Variants in DNAH1 observed in about 807,000 individuals in gnomAD.
The protein encoded by DNAH1 is dynein axonemal heavy chain 1.
Under a neutral mutation model 484.3 loss-of-function variants are expected in DNAH1, and 327 were observed. The ratio of observed to expected loss-of-function variants is 0.68; its 90% CI spans 0.62 to 0.74. The LOEUF (loss-of-function observed/expected upper bound fraction) is 0.74, where lower values mean the gene tolerates loss of function less well. Ranked by LOEUF, DNAH1 falls within the 30% of genes least tolerant of loss-of-function variation. DNAH1 has a pLI of 0.00. For synonymous variants in DNAH1, 2,192 were observed against 2,191.9 expected (o/e 1.00, Z 0.00); for missense variants, 5,052 against 5,546.8 (o/e 0.91, Z 2.83).
chr3:52,391,872 C>T (rs1704406295), intron 63 of DNAH1, among the ~76,000 whole-genome samples: 1 of 152,238 alleles, frequency 6.6e-6, no homozygotes, highest in African/African-American at 2.4e-5. Context: ...ACCAGCCTCA[C>T]CTCCTCCAGG....
intron 56 of DNAH1, among the ~76,000 whole-genome samples, 184 bp downstream of exon 56, chr3:52,387,037 G>T (rs964392089): frequency 6.6e-6 from 1 of 152,226 alleles, no homozygotes; most frequent in African/African-American, 2.4e-5. Context: ...CACACAGATG[G>T]CTGGAACCAG....
rs367808366 is a variant in DNAH1, at chr3:52,368,796, A to C, written c.5821A>C (p.Asn1941His). ...IRAGAITSDTNKKWYMFDGPV... is the reference protein window; with the variant it reads ...IRAGAITSDTHKKWYMFDGPV... The stretch of plus-strand genomic sequence containing the variant: ...GGCGGGGGCCATCACCTCCGACACC[A>C]ACAAGAAGTGGTACATGTTCGATGG... The change falls in exon 37 of 78, where the codon AAC becomes CAC. Residue 1941 changes from asparagine to histidine, a missense_variant. Asn to His is a moderately conservative substitution (Grantham distance 68). Transcript: ENST00000420323. This position sits in a 1 kb window ranked among gnomAD's most constrained non-coding sequence, Gnocchi z 4.4. The C allele has an allele frequency of 6.2e-7, 1 of 1,613,884 alleles. No individual in the cohort carries two copies. The highest frequency in any genetic ancestry group is 1.3e-5 in the African/African-American group (1 of 74,932).
chr3:52,344,249 A>C (rs1415448447), intron 8 of DNAH1, among the ~76,000 whole-genome samples: 1 of 152,142 alleles, frequency 6.6e-6, no homozygotes, highest in African/African-American at 2.4e-5. Context: ...GAGACTGGCA[A>C]CAGAAAATGG....
rs1476715309 is a variant in DNAH1 at position 52,349,194 on chromosome 3, G to T, written c.2301-1G>T. 6.2e-7 allele frequency: 1 copy of T among 1,613,264 alleles called. No homozygotes were observed. Among genetic ancestry groups the T allele is most frequent in the East Asian group, 2.2e-5 (1 of 44,828 alleles). ...CCCTCCCGTGTGCTTGCTGTCCTCA[G>T]AACCTACCAGACGCAGGGCCTGTTG... On this transcript the variant is annotated splice_acceptor_variant, in intron 13 of 77. Coordinates refer to ENST00000420323, the MANE Select transcript of DNAH1 (RefSeq NM_015512.5). LOFTEE classifies it high-confidence loss of function.
chr3:52,324,888 C>T (rs1448637984), intron 3 of DNAH1, among the ~76,000 whole-genome samples: 1 of 152,116 alleles, frequency 6.6e-6, no homozygotes, highest in Non-Finnish European at 1.5e-5. Flanking sequence ...AATCAGGGCT[C>T]TCAGCAACCA....
rs1488311753 is a variant in DNAH1 at position 52,386,280 on chromosome 3, G to A, written c.8746G>A (p.Ala2916Thr). ...CGATGCCCAGAAGGACCTGGACGAG[G>A]CGTTGCCAGCCCTGGATGCGGCTCT... Reference protein sequence around the residue: ...ADDAQKDLDEALPALDAALAS... With the variant: ...ADDAQKDLDETLPALDAALAS... Residue 2916 changes from alanine to threonine, a missense_variant, in exon 55 of 78, where the codon GCG becomes ACG. By Grantham distance (58) the Ala-to-Thr change is moderately conservative. Coordinates refer to ENST00000420323, the MANE Select transcript of DNAH1 (RefSeq NM_015512.5). 6.2e-7 allele frequency: 1 copy of A among 1,609,084 alleles called. No homozygotes were observed. Among genetic ancestry groups the A allele is most frequent in the Non-Finnish European group, 8.5e-7 (1 of 1,177,786 alleles).
Position 52,391,623 on chromosome 3 carries a change from G to T in DNAH1, c.10052+20G>T, listed in dbSNP as rs1263164334. On this transcript the variant is annotated intron_variant, in intron 63 of 77. Coordinates refer to ENST00000420323, the MANE Select transcript of DNAH1 (RefSeq NM_015512.5). The stretch of plus-strand genomic sequence containing the variant: ...GCCCAGGTGAGCCCCCACTCTTGGG[G>T]ACGCCCAAGCATCAGCTCTGCCTCT... 2 of 1,613,210 alleles carry T rather than the reference G, an allele frequency of 1.2e-6. No individual in the cohort carries two copies. Among genetic ancestry groups the T allele is most frequent in the East Asian group, 4.5e-5 (2 of 44,868 alleles).
At chr3:52,382,158 G>C (rs1310756627) in intron 49 of DNAH1, among the ~76,000 whole-genome samples, 162 bp from the exon 50 acceptor site, 2 of 152,174 alleles carry the variant, frequency 1.3e-5, no homozygotes, top group Non-Finnish European at 2.9e-5. Context: ...CTTGGGCAAA[G>C]GTCTGAAGGC....
At chr3:52,377,224 C>T (rs1703643358) in intron 46 of DNAH1, among the ~76,000 whole-genome samples, 1 of 152,122 alleles carries the variant, frequency 6.6e-6, no homozygotes, top group Admixed American at 6.5e-5. Flanking sequence ...CCGCACTCTT[C>T]CCATCTCAGG....
At position 52,396,277 on chromosome 3, in the gene DNAH1, C is replaced by G. The variant is rs1578206624; in HGVS notation, c.11260-91C>G. ...AGTTGTCTGTGCAGCCTCGCCTGAC[C>G]CACCTCAGGGTCCCTGGGCAGGAGG... On this transcript the variant is annotated intron_variant, in intron 70 of 77. Coordinates refer to ENST00000420323, the MANE Select transcript of DNAH1 (RefSeq NM_015512.5). 2.1e-6 allele frequency: 3 copies of G among 1,417,112 alleles called. No individual in the cohort carries two copies. The Admixed American group carries it at 6.5e-5, about 31-fold the overall frequency. The allele number at this position is 1,417,112 out of a possible 1,614,324, so 87.8% of individuals were successfully genotyped here. A position where few individuals can be genotyped will look rare whatever the true frequency, so the allele number is the denominator to read the frequency against.
rs1201109820 is a variant in DNAH1, at chr3:52,352,084, A to G, written c.2852A>G (p.Glu951Gly). The change falls in exon 17 of 78, where the codon GAG (glutamate) becomes GGG (glycine). Residue 951 changes from glutamate to glycine, a missense_variant. Physicochemically the swap from Glu to Gly is moderately conservative, Grantham distance 98 (BLOSUM62 -2). Around this residue, in one of 4 missense-constraint regions of DNAH1, gnomAD observed 1,263 missense variants for 1,218.8 expected, o/e 1.04. Coordinates refer to ENST00000420323, the MANE Select transcript of DNAH1 (RefSeq NM_015512.5). ...IQIMDQNNFQ[E>G]KLEGLQLVVA... ...ATCATGGATCAGAACAACTTCCAAG[A>G]GAAGCTGGAAGGGCTGCAGGTGGGG... 1.3e-6 allele frequency: 2 copies of G among 1,581,400 alleles called. No homozygotes were observed. Among genetic ancestry groups the G allele is most frequent in the Non-Finnish European group, 1.7e-6 (2 of 1,164,086 alleles).
chr3:52,388,167 GACA>G lies in DNAH1; in HGVS notation c.9008_9010del (p.Asn3003del). On this transcript the variant is annotated inframe_deletion and splice_region_variant, in exon 57 of 78. Transcript: ENST00000420323. ...TTGAGACCCAGGCTTCCCACCTCAG[GACA>G]ACATTGGGGATGTGGTGATCAAAGC... The G allele has an allele frequency of 6.2e-7, 1 of 1,607,996 alleles. No individual in the cohort carries two copies.
At position 52,380,140 on chromosome 3, in the gene DNAH1, G is replaced by A. The variant is rs1703780189; in HGVS notation, c.7608+5G>A. On this transcript the variant is annotated splice_donor_5th_base_variant and intron_variant, in intron 48 of 77. Transcript: ENST00000420323. Reference sequence around the variant, plus strand: ...CTCATCACCAGTGAGAGTAAGGTGAGGGGCCCAGGCAGGCGCCCTGCCCCT... The same window carrying A: ...CTCATCACCAGTGAGAGTAAGGTGAAGGGCCCAGGCAGGCGCCCTGCCCCT... 1 of 1,582,526 alleles carries A rather than the reference G, an allele frequency of 6.3e-7. No individual in the cohort carries two copies. Among genetic ancestry groups the A allele is most frequent in the Non-Finnish European group, 8.6e-7 (1 of 1,164,116 alleles).
chr3:52,317,092 T>C (rs1700974142), intron 1 of DNAH1, among the ~76,000 whole-genome samples: 1 of 152,232 alleles, frequency 6.6e-6, no homozygotes, highest in African/African-American at 2.4e-5. Context: ...TGCTTACCTA[T>C]ATGTATAATT....
chr3:52,356,132 G>C (rs1427341148), intron 21 of DNAH1, among the ~76,000 whole-genome samples: 2 of 152,198 alleles, frequency 1.3e-5, no homozygotes, highest in East Asian at 3.9e-4. Flanking sequence ...GAGGCAGAAG[G>C]GGGAAATGGC....
upstream of DNAH1, among the ~76,000 whole-genome samples, chr3:52,315,308 A>G (rs1055676703): frequency 6.6e-5 from 10 of 152,130 alleles, no homozygotes; most frequent in Admixed American, 2.6e-4. Flanking sequence ...CTCAGTCTGG[A>G]TGCCTGTCAC....
intron 22 of DNAH1, among the ~76,000 whole-genome samples, chr3:52,356,994 A>T (rs1702635609): frequency 6.7e-6 from 1 of 148,362 alleles, no homozygotes; most frequent in African/African-American, 2.5e-5. Flanking sequence ...GGAGATCCAC[A>T]GCCCATATTA....
Position 52,383,565 on chromosome 3 carries a change from C to T in DNAH1, c.8121C>T (p.Arg2707=). 3 of 1,603,062 alleles carry T rather than the reference C, an allele frequency of 1.9e-6. No individual in the cohort carries two copies. The highest frequency in any genetic ancestry group is 1.7e-4 in the Middle Eastern group (1 of 6,042). ...NLMAAYTGRV[R]SNIHMVLCMS... is the part of the protein sequence containing the mutation. ...TGGCTGCTTACACAGGGCGTGTGCG[C>T]AGCAACATCCACATGGTGCTGTGCA... The change falls in exon 51 of 78, where the codon CGC becomes CGT. Residue 2707 remains arginine, a synonymous_variant. Transcript: ENST00000420323.
intron 12 of DNAH1, among the ~76,000 whole-genome samples, chr3:52,348,457 A>C (rs116698005): frequency 0.034 from 5,241 of 152,062 alleles, 142 homozygotes; most frequent in Non-Finnish European, 0.051. Context: ...CAACGTCCCC[A>C]CCAGTCACTG....
Sources: allele counts gnomAD v4.1 joint callset (sites outside exome capture counted in the v4.1 genomes callset), GRCh38; gene constraint gnomAD v4.1.1; regional missense constraint gnomAD v4.1.1; non-coding constraint Gnocchi (gnomAD v3.1); transcripts MANE v1.5; gene names NCBI Gene and HGNC (gene_info 2026-07-23, HGNC 2026-07-21).